TECTA: variants seen among roughly 807,000 people sequenced by gnomAD.
TECTA encodes tectorin alpha, also known as alpha-tectorin.
In TECTA, 128 loss-of-function variants were observed where a neutral mutation model predicts 216.8. The ratio of observed to expected loss-of-function variants is 0.59; its 90% CI spans 0.51 to 0.68. The LOEUF (loss-of-function observed/expected upper bound fraction) is 0.68, where lower values mean the gene tolerates loss of function less well. TECTA is among the 30% of genes least tolerant of loss of function. The pLI is 0.00. For synonymous variants in TECTA, 1,089 were observed against 1,117.1 expected (o/e 0.97, Z 0.50); for missense variants, 2,551 against 2,786.2 (o/e 0.92, Z 1.90).
chr11:121,183,636 AGAATCACTT>A (rs1274437866), intron 20 of TECTA, among the ~76,000 whole-genome samples: 2 of 152,142 alleles, frequency 1.3e-5, no homozygotes, highest in African/African-American at 4.8e-5. Context: ...TTGAGGCAGG[AGAATCACTT>A]GAACTCAGGA....
chr11:121,113,971 C>T lies in TECTA; in HGVS notation c.790+253C>T, dbSNP rs117069611. On this transcript the variant is annotated intron_variant, in intron 6 of 23. Transcript: ENST00000392793. This position sits in a 1 kb window ranked among gnomAD's most constrained non-coding sequence, Gnocchi z 4.2. ...ACACAGTTATCCGTTCTGAACAACT[C>T]CGAAATGGACCAAGATCTTGAGTGA... 6.6e-6 allele frequency among the ~76,000 whole-genome samples: 1 copy of T among 152,178 alleles called. No individual in the cohort carries two copies. Among genetic ancestry groups the T allele is most frequent in the Non-Finnish European group, 1.5e-5 (1 of 68,038 alleles).
intron 9 of TECTA, among the ~76,000 whole-genome samples, chr11:121,129,186 T>C (rs113718262): frequency 5.1e-4 from 77 of 152,260 alleles, no homozygotes; most frequent in African/African-American, 1.8e-3. Flanking sequence ...AGGAAGTAGA[T>C]AGAAGAATGG....
chr11:121,139,895 C>T (rs938361682), intron 11 of TECTA, among the ~76,000 whole-genome samples: 1 of 152,210 alleles, frequency 6.6e-6, no homozygotes, highest in African/African-American at 2.4e-5. Flanking sequence ...CAACTTCCCT[C>T]TATCCATTTT....
intron 13 of TECTA, among the ~76,000 whole-genome samples, chr11:121,157,255 T>G (rs1946950652): frequency 6.6e-6 from 1 of 152,196 alleles, no homozygotes. Context: ...ACATTCAGGT[T>G]GACTGTGATT....
At chr11:121,109,964 G>A (rs1946427932) in intron 4 of TECTA, 1 of 185,368 alleles carries the variant, frequency 5.4e-6, no homozygotes. Context: ...TTCCAAGTTT[G>A]GGCCCAAATG....
chr11:121,130,382 C>T (rs762914607), intron 10 of TECTA, among the ~76,000 whole-genome samples, 171 bp downstream of exon 10: 7 of 152,196 alleles, frequency 4.6e-5, no homozygotes, highest in East Asian at 1.9e-4. Flanking sequence ...CACCCCAAAC[C>T]GGAGAGCCTC....
chr11:121,163,875 C>T (rs1393307834), intron 16 of TECTA, among the ~76,000 whole-genome samples: 1 of 152,156 alleles, frequency 6.6e-6, no homozygotes, highest in Admixed American at 6.5e-5. Flanking sequence ...CGCTTGGTGG[C>T]TGTTATGTGC....
At chr11:121,130,773 C>G (rs1946666442) in intron 10 of TECTA, among the ~76,000 whole-genome samples, 2 of 152,146 alleles carry the variant, frequency 1.3e-5, no homozygotes, top group Admixed American at 6.5e-5. Flanking sequence ...ACGTAACACC[C>G]TTGATTATCA....
chr11:121,118,824 T>C, intron 7 of TECTA, 106 bp downstream of exon 7: 2 of 1,436,920 alleles, frequency 1.4e-6, no homozygotes, highest in Non-Finnish European at 1.9e-6. Context: ...CTCTGTACAG[T>C]GCCAAAGAGA....
At position 121,189,787 on chromosome 11, in the gene TECTA, G is replaced by A; in HGVS notation, c.6274G>A (p.Gly2092Arg). 1 of 1,614,062 alleles carries A rather than the reference G, an allele frequency of 6.2e-7. No homozygotes were observed. Among genetic ancestry groups the A allele is most frequent in the Non-Finnish European group, 8.5e-7 (1 of 1,179,986 alleles). The change falls in exon 23 of 24, where the codon GGA becomes AGA. Residue 2092 changes from glycine (G) to arginine (R), a missense_variant. Transcript: ENST00000392793. ...RKRLDWCEDN[G>R]GCEQICTSRV... ...AGGGCTGGACTGGTGTGAGGACAAT[G>A]GAGGGTGTGAGCAGATTTGCACGAG... is the stretch of plus-strand genomic sequence containing the variant.
intron 11 of TECTA, 114 bp from the exon 12 acceptor site, chr11:121,145,441 C>T (rs1211614976): frequency 9.2e-7 from 1 of 1,088,696 alleles, no homozygotes; most frequent in Non-Finnish European, 1.4e-6. Flanking sequence ...AGACTGCATT[C>T]AACCTGCTCA....
At chr11:121,138,609 T>C (rs916109407) in intron 11 of TECTA, among the ~76,000 whole-genome samples, 1 of 152,188 alleles carries the variant, frequency 6.6e-6, no homozygotes, top group African/African-American at 2.4e-5. Context: ...CTTTACTCAC[T>C]TGGGCTTCAA....
intron 7 of TECTA, among the ~76,000 whole-genome samples, chr11:121,119,038 C>G (rs866986840): frequency 3.1e-4 from 47 of 149,262 alleles, no homozygotes; most frequent in Admixed American, 1.3e-3. Context: ...CACACACACA[C>G]AGTTCAGAAA....
chr11:121,176,402 G>T (rs1947167515), intron 20 of TECTA, among the ~76,000 whole-genome samples: 1 of 145,098 alleles, frequency 6.9e-6, no homozygotes, highest in South Asian at 2.3e-4. Context: ...AAATCTCTCA[G>T]CATTTGCTTG....
At chr11:121,128,463 T>C (rs1946639204) in intron 9 of TECTA, 119 bp downstream of exon 9, 2 of 943,210 alleles carry the variant, frequency 2.1e-6, no homozygotes, top group Non-Finnish European at 3.1e-6. Context: ...AGAAAGAAGA[T>C]GGCTCCAAAC....
intron 12 of TECTA, among the ~76,000 whole-genome samples, chr11:121,150,643 A>ATTTTTTTTTT (rs202043512): frequency 7.8e-6 from 1 of 127,952 alleles, no homozygotes; most frequent in Non-Finnish European, 1.6e-5. Context: ...GCCTATTTTA[A>ATTTTTTTTTT]TTTTTTTTTT....
intron 12 of TECTA, among the ~76,000 whole-genome samples, chr11:121,149,842 G>A (rs1215862686): frequency 1.3e-5 from 2 of 152,236 alleles, no homozygotes; most frequent in Admixed American, 6.5e-5. Flanking sequence ...GGTGGGGAGC[G>A]AGAAGCAGCG....
chr11:121,130,449 C>T (rs980960883), intron 10 of TECTA, among the ~76,000 whole-genome samples: 3 of 152,166 alleles, frequency 2.0e-5, no homozygotes, highest in African/African-American at 4.8e-5. Context: ...AACAATTAAC[C>T]ATCCTATTTG....
intron 14 of TECTA, among the ~76,000 whole-genome samples, chr11:121,159,011 T>C (rs582876): frequency 0.47 from 71,282 of 152,008 alleles, 19,764 homozygotes; most frequent in African/African-American, 0.78. Flanking sequence ...AGCCAGGCCC[T>C]GGCACTGTGA....
Sources: gnomAD v4.1 joint callset for allele counts (sites outside exome capture counted in the v4.1 genomes callset) on GRCh38, gnomAD v4.1.1 for gene constraint, Gnocchi (gnomAD v3.1) non-coding constraint, MANE v1.5 for transcripts, NCBI Gene and HGNC (gene_info 2026-07-23, HGNC 2026-07-21) for gene names.